Variants in ZNF462 observed in about 807,000 individuals in gnomAD.
ZNF462 encodes the protein zinc finger PBX1-interacting protein.
Under a neutral mutation model 201.9 loss-of-function variants are expected in ZNF462, and 10 were observed. That is an observed-to-expected ratio of 0.05 (90% confidence interval 0.03 to 0.08). The LOEUF (loss-of-function observed/expected upper bound fraction) is 0.08, where lower values mean the gene tolerates loss of function less well. Among genes scored for constraint, ZNF462 ranks in the 10% least tolerant of loss-of-function variants. The probability of loss-of-function intolerance (pLI) is 1.00; values close to 1 mark genes in which losing one functional copy is unlikely to be tolerated. For missense variants in ZNF462, 2,523 were observed against 3,168.3 expected, an observed-to-expected ratio of 0.80 and a Z score of 4.89; for synonymous variants, 1,227 against 1,193.3, an observed-to-expected ratio of 1.03 and a Z score of -0.58.
upstream of ZNF462, among the ~76,000 whole-genome samples, chr9:106,860,751 C>T (rs1010176597): frequency 5.9e-5 from 9 of 152,272 alleles, no homozygotes; most frequent in South Asian, 2.1e-4. This position sits in a 1 kb window ranked among gnomAD's most constrained non-coding sequence, Gnocchi z 7.1. Context: ...CCTCCGGTTG[C>T]CACGAGGAAT....
intron 1 of ZNF462, among the ~76,000 whole-genome samples, chr9:106,864,084 CTCTCTCTCTCTCTCTCTCTCT>C (rs1827200215): frequency 7.2e-6 from 1 of 138,538 alleles, no homozygotes. Context: ...CTCTCTCTCT[CTCTCTCTCTCTCTCTCTCTCT>C]CTCTCCCTCT....
chr9:106,977,839 C>T lies in ZNF462; in HGVS notation c.6832+3566C>T, dbSNP rs1827132716. On this transcript the variant is annotated intron_variant, in intron 9 of 12. Transcript: ENST00000277225. The surrounding 1 kb of genome is among the most constrained non-coding windows in gnomAD (Gnocchi z 4.6). ...AAGGACTATTGTAACAAGTGACCAC[C>T]AAATGTGTAGATTAAAACAATAGAA... Among the ~76,000 whole-genome samples the T allele has an allele frequency of 6.6e-6, 1 of 151,486 alleles. No individual in the cohort carries two copies. Among genetic ancestry groups the T allele is most frequent in the Admixed American group, 6.6e-5 (1 of 15,264 alleles).
At position 106,883,887 on chromosome 9, in the gene ZNF462, A is replaced by G. The variant is rs1828207507; in HGVS notation, c.-31+20532A>G. On this transcript the variant is annotated intron_variant, in intron 1 of 12. Transcript: ENST00000277225. This position sits in a 1 kb window ranked among gnomAD's most constrained non-coding sequence, Gnocchi z 4.9. ...TTTGTTTTAACAGCTTCAGAATGTG[A>G]AGAATCTGTAGGTCTAGTCTGCTAA... is the stretch of plus-strand genomic sequence containing the variant. Among the ~76,000 whole-genome samples the G allele has an allele frequency of 6.6e-6, 1 of 152,188 alleles. No homozygotes were observed. Among genetic ancestry groups the G allele is most frequent in the African/African-American group, 2.4e-5 (1 of 41,442 alleles).
intron 1 of ZNF462, among the ~76,000 whole-genome samples, chr9:106,875,814 A>C (rs1332238594): frequency 6.6e-6 from 1 of 152,210 alleles, no homozygotes; most frequent in Non-Finnish European, 1.5e-5. Flanking sequence ...ATGGGAAAAT[A>C]ATGCACTTGA....
At chr9:106,915,436 T>G (rs370549257) in intron 1 of ZNF462, among the ~76,000 whole-genome samples, 2 of 152,194 alleles carry the variant, frequency 1.3e-5, no homozygotes, top group Admixed American at 1.3e-4. Flanking sequence ...AGGAATAAAC[T>G]TACTTGCTAA....
Position 107,006,022 on chromosome 9 carries a change from A to C in ZNF462, c.7189+2596A>C, listed in dbSNP as rs777431323. ...GTGTGGATTTATTTCTGGGCTCTCTATTCTGTTCTGTTGGTCTGTGTATCT... is the reference window on the plus strand; with the variant it reads ...GTGTGGATTTATTTCTGGGCTCTCTCTTCTGTTCTGTTGGTCTGTGTATCT... On this transcript the variant is annotated intron_variant, in intron 11 of 12. Coordinates refer to ENST00000277225, the MANE Select transcript of ZNF462 (RefSeq NM_021224.6). This position sits in a 1 kb window ranked among gnomAD's most constrained non-coding sequence, Gnocchi z 4.3. Among the ~76,000 whole-genome samples, 13 of 152,078 alleles carry C rather than the reference A, an allele frequency of 8.5e-5. No individual in the cohort carries two copies. Among genetic ancestry groups the C allele is most frequent in the Non-Finnish European group, 1.3e-4 (9 of 68,006 alleles).
At chr9:106,971,650 G>T (rs1346381862) in intron 7 of ZNF462, among the ~76,000 whole-genome samples, 3 of 151,156 alleles carry the variant, frequency 2.0e-5, no homozygotes, top group African/African-American at 7.3e-5. Flanking sequence ...TATAAAATTA[G>T]TAAGTTCTAG....
chr9:106,924,508 C>T lies in ZNF462; in HGVS notation c.596C>T (p.Pro199Leu), dbSNP rs1282777907. Residue 199 changes from proline to leucine, a missense_variant, in exon 3 of 13, where the codon CCT becomes CTT. Coordinates refer to ENST00000277225, the MANE Select transcript of ZNF462 (RefSeq NM_021224.6). This position sits in a 1 kb window ranked among gnomAD's most constrained non-coding sequence, Gnocchi z 6.2. ...LKETTAPPPA[P>L]APMPDPVVPP... ...GAGACCACTGCTCCCCCACCTGCTC[C>T]TGCTCCAATGCCAGACCCTGTGGTT... The T allele has an allele frequency of 3.7e-6, 6 of 1,614,160 alleles. No individual in the cohort carries two copies. In the East Asian group the frequency reaches 1.3e-4, roughly 36 times the overall value.
intron 6 of ZNF462, among the ~76,000 whole-genome samples, chr9:106,936,818 G>C (rs1002667660): frequency 6.6e-6 from 1 of 152,208 alleles, no homozygotes; most frequent in Non-Finnish European, 1.5e-5. Context: ...CTTGAAGAGA[G>C]CATCAGAGCC....
intron 6 of ZNF462, among the ~76,000 whole-genome samples, chr9:106,937,609 T>A (rs1830685692): frequency 6.6e-6 from 1 of 152,204 alleles, no homozygotes; most frequent in African/African-American, 2.4e-5. Context: ...ATAATCTTGT[T>A]ATCTAAACGC....
At chr9:106,965,466 G>T (rs1024246085) in intron 7 of ZNF462, among the ~76,000 whole-genome samples, 1 of 152,034 alleles carries the variant, frequency 6.6e-6, no homozygotes, top group Non-Finnish European at 1.5e-5. Context: ...ATGAACAAGG[G>T]GTAGGGAAGG....
In ZNF462 at chr9:106,993,423, C is replaced by T. The variant is rs142033860; in HGVS notation, c.7056+9014C>T. 5.7e-4 allele frequency among the ~76,000 whole-genome samples: 87 copies of T among 152,052 alleles called. No homozygotes were observed. Among genetic ancestry groups the T allele is most frequent in the African/African-American group, 2.0e-3 (82 of 41,532 alleles). On this transcript the variant is annotated intron_variant, in intron 10 of 12. Coordinates refer to ENST00000277225, the MANE Select transcript of ZNF462 (RefSeq NM_021224.6). This position sits in a 1 kb window ranked among gnomAD's most constrained non-coding sequence, Gnocchi z 4.0. ...GAACCCTCATTTTATAGGTGATAAA[C>T]ACAATCTTTCCTCCTAGATCTTTAT...
chr9:106,976,170 T>G, intron 9 of ZNF462: 1 of 152,166 alleles, frequency 6.6e-6, no homozygotes, highest in Non-Finnish European at 1.5e-5. Flanking sequence ...TAGTGGAAAG[T>G]TCACCTCTAA....
At chr9:106,873,873 AG>A (rs1827709991) in intron 1 of ZNF462, among the ~76,000 whole-genome samples, 1 of 152,206 alleles carries the variant, frequency 6.6e-6, no homozygotes, top group Non-Finnish European at 1.5e-5. Context: ...TAGACTCTTC[AG>A]CCCCCAAGAA....
At chr9:106,869,613 AAC>A (rs1437382302) in intron 1 of ZNF462, among the ~76,000 whole-genome samples, 1 of 152,222 alleles carries the variant, frequency 6.6e-6, no homozygotes, top group East Asian at 1.9e-4. Flanking sequence ...TTCTGGCAGA[AAC>A]ACAGTTAACG....
intron 10 of ZNF462, among the ~76,000 whole-genome samples, chr9:106,994,469 C>G (rs962284124): frequency 6.6e-6 from 1 of 152,016 alleles, no homozygotes; most frequent in Non-Finnish European, 1.5e-5. Context: ...AAGAATTTTT[C>G]CCAAATCATA....
intron 1 of ZNF462, among the ~76,000 whole-genome samples, chr9:106,873,970 C>G (rs1827714810): frequency 6.6e-6 from 1 of 152,130 alleles, no homozygotes. Flanking sequence ...TAATCAAAAC[C>G]TTCGTAGAAG....
chr9:106,906,484 A>G (rs1488560171), intron 1 of ZNF462, among the ~76,000 whole-genome samples: 1 of 152,198 alleles, frequency 6.6e-6, no homozygotes, highest in Non-Finnish European at 1.5e-5. Flanking sequence ...TTGATGATAT[A>G]AAGATATAAT....
At position 106,919,659 on chromosome 9, in the gene ZNF462, C is replaced by T. The variant is rs111665332; in HGVS notation, c.-30-3695C>T. Among the ~76,000 whole-genome samples, 952 of 152,240 alleles carry T rather than the reference C, an allele frequency of 6.3e-3. 10 individuals carry two copies. Among genetic ancestry groups the T allele is most frequent in the African/African-American group, 0.021 (893 of 41,556 alleles). ...AAATGCAAACTGAACAAACCAGCAA[C>T]GAATAAGTAGTACTAAAGGCAGTGA... On this transcript the variant is annotated intron_variant, in intron 1 of 12. Coordinates refer to ENST00000277225, the MANE Select transcript of ZNF462 (RefSeq NM_021224.6). The surrounding 1 kb of genome is among the most constrained non-coding windows in gnomAD (Gnocchi z 4.5).
Sources: gnomAD v4.1 joint callset for allele counts (sites outside exome capture counted in the v4.1 genomes callset) on GRCh38, gnomAD v4.1.1 for gene constraint, Gnocchi (gnomAD v3.1) non-coding constraint, MANE v1.5 for transcripts, NCBI Gene and HGNC (gene_info 2026-07-23, HGNC 2026-07-21) for gene names.